The following PDZRN3 variants were observed in gnomAD, a reference collection of about 807,000 sequenced individuals.
The protein encoded by PDZRN3 is E3 ubiquitin-protein ligase PDZRN3.
In PDZRN3, 38 loss-of-function variants were observed where a neutral mutation model predicts 85.7. The ratio of observed to expected loss-of-function variants is 0.44; its 90% CI spans 0.34 to 0.58. PDZRN3 has a LOEUF of 0.58. Ranked by LOEUF, PDZRN3 falls within the 20% of genes least tolerant of loss-of-function variation. PDZRN3 has a pLI of 0.01. For missense variants in PDZRN3, 1,629 were observed against 1,506.4 expected, an observed-to-expected ratio of 1.08 and a Z score of -1.35; for synonymous variants, 759 against 638.0, an observed-to-expected ratio of 1.19 and a Z score of -2.86.
In PDZRN3 at chr3:73,528,166, T is replaced by C. The variant is rs116991711; in HGVS notation, c.918+74188A>G. ...TTATTACTGACGTGGTTGCCTTGGA[T>C]CTCTCCTCCTTAGACCTGCCTGGGA... On this transcript the variant is annotated intron_variant, in intron 3 of 9. Transcript: ENST00000263666. Among the ~76,000 whole-genome samples, 94 of 152,280 alleles carry C rather than the reference T, an allele frequency of 6.2e-4. 2 individuals are homozygous for C. In the East Asian group the frequency reaches 0.017, roughly 27 times the overall value.
At chr3:73,454,352 C>T (rs1480968984) in intron 3 of PDZRN3, among the ~76,000 whole-genome samples, 1 of 152,078 alleles carries the variant, frequency 6.6e-6, no homozygotes, top group Non-Finnish European at 1.5e-5. Flanking sequence ...CTTTCTTTTC[C>T]CTCACCAAAA....
chr3:73,438,678 T>G lies in PDZRN3; in HGVS notation c.919-34283A>C, dbSNP rs968062169. On this transcript the variant is annotated intron_variant, in intron 3 of 9. Transcript: ENST00000263666. Reference sequence around the variant, plus strand: ...CCTGGGGATCTTTCCATCTTTCTTCTGGATCACACAGATTCACTAACTTGT... The same window carrying G: ...CCTGGGGATCTTTCCATCTTTCTTCGGGATCACACAGATTCACTAACTTGT... Among the ~76,000 whole-genome samples, 4 of 152,370 alleles carry G rather than the reference T, an allele frequency of 2.6e-5. No individual in the cohort carries two copies. In the South Asian group the frequency reaches 8.3e-4, roughly 32 times the overall value.
chr3:73,593,760 G>A (rs1369288473), intron 3 of PDZRN3, among the ~76,000 whole-genome samples: 1 of 145,244 alleles, frequency 6.9e-6, no homozygotes, highest in Non-Finnish European at 1.5e-5. Context: ...ACACTTTGGA[G>A]AACTCCAACA....
At chr3:73,463,694 A>G (rs1703152369) in intron 3 of PDZRN3, among the ~76,000 whole-genome samples, 1 of 152,208 alleles carries the variant, frequency 6.6e-6, no homozygotes, top group Non-Finnish European at 1.5e-5. Flanking sequence ...AATATAAATA[A>G]TTCTATTATA....
intron 9 of PDZRN3, 34 bp from the exon 10 acceptor site, chr3:73,384,964 G>C (rs1576016928): frequency 1.3e-6 from 2 of 1,557,220 alleles, no homozygotes; most frequent in East Asian, 2.3e-5. Context: ...GTCACAGTGA[G>C]GGAGGCCTGC....
intron 3 of PDZRN3, among the ~76,000 whole-genome samples, chr3:73,576,092 A>G (rs1430446601): frequency 6.7e-6 from 1 of 150,336 alleles, no homozygotes; most frequent in Non-Finnish European, 1.5e-5. Context: ...AAGAAATTAC[A>G]CACATGCATG....
chr3:73,588,031 T>G (rs1196242333), intron 3 of PDZRN3, among the ~76,000 whole-genome samples: 1 of 152,228 alleles, frequency 6.6e-6, no homozygotes, highest in East Asian at 1.9e-4. Context: ...TAGGTATATG[T>G]GTGCCATGGT....
chr3:73,608,440 C>G (rs1013457690), intron 2 of PDZRN3, among the ~76,000 whole-genome samples, 158 bp downstream of exon 2: 3 of 152,162 alleles, frequency 2.0e-5, no homozygotes, highest in African/African-American at 7.2e-5. Context: ...ATAAAAATCC[C>G]TAAGTGTGAA....
intron 3 of PDZRN3, among the ~76,000 whole-genome samples, chr3:73,448,399 T>C (rs552846280): frequency 6.6e-6 from 1 of 152,340 alleles, no homozygotes; most frequent in Admixed American, 6.5e-5. Context: ...TTTTCACTTT[T>C]AATGTTTGCT....
At chr3:73,553,607 T>C (rs1701618462) in intron 3 of PDZRN3, among the ~76,000 whole-genome samples, 1 of 151,272 alleles carries the variant, frequency 6.6e-6, no homozygotes, top group African/African-American at 2.4e-5. Context: ...ATTATCCCCA[T>C]TTCAGAGACA....
chr3:73,383,387 A>C lies in PDZRN3; in HGVS notation c.3179T>G (p.Phe1060Cys). 1 of 1,611,820 alleles carries C rather than the reference A, an allele frequency of 6.2e-7. No individual in the cohort carries two copies. Among genetic ancestry groups the C allele is most frequent in the Non-Finnish European group, 8.5e-7 (1 of 1,178,812 alleles). Residue 1060 changes from phenylalanine (F) to cysteine (C), a missense_variant, in exon 10 of 10, where the codon TTC (phenylalanine) becomes TGC (cysteine). Physicochemically the swap from Phe to Cys is radical, Grantham distance 205. Transcript: ENST00000263666. ...AAATTATACAGTAGTCACCGATAGG[A>C]AGGAATTGTATACTCTAGTGCCGTC... ...SPDGTRVYNS[F>C]LSVTTV
intron 3 of PDZRN3, among the ~76,000 whole-genome samples, chr3:73,570,097 T>TC (rs2106849495): frequency 6.6e-6 from 1 of 152,300 alleles, no homozygotes; most frequent in Admixed American, 6.5e-5. Flanking sequence ...ATATTTGGTC[T>TC]CGCTTACTGC....
chr3:73,399,422 G>A (rs971801682), intron 5 of PDZRN3, among the ~76,000 whole-genome samples: 1 of 152,072 alleles, frequency 6.6e-6, no homozygotes, highest in Admixed American at 6.5e-5. Context: ...CTCCCCCAGG[G>A]GATTCTAGGT....
At chr3:73,462,542 CAA>C (rs1167584471) in intron 3 of PDZRN3, among the ~76,000 whole-genome samples, 2 of 93,428 alleles carry the variant, frequency 2.1e-5, no homozygotes, top group Admixed American at 1.2e-4. Flanking sequence ...GACTCCGTCT[CAA>C]AAAAAAAAAA....
At chr3:73,450,807 G>C (rs17011165) in intron 3 of PDZRN3, among the ~76,000 whole-genome samples, 9,380 of 152,182 alleles carry the variant, frequency 0.062, 374 homozygotes, top group Middle Eastern at 0.13. Flanking sequence ...AGACTGGCTG[G>C]TGCTGCCCAT....
At chr3:73,469,851 A>G (rs1344761253) in intron 3 of PDZRN3, among the ~76,000 whole-genome samples, 1 of 152,220 alleles carries the variant, frequency 6.6e-6, no homozygotes, top group Admixed American at 6.5e-5. Flanking sequence ...TCATGAAAAT[A>G]TCTTGGTAGC....
chr3:73,400,209 T>C (rs538594599), intron 5 of PDZRN3, among the ~76,000 whole-genome samples: 6 of 152,348 alleles, frequency 3.9e-5, no homozygotes, highest in East Asian at 1.9e-4. Flanking sequence ...TGAAACCCCA[T>C]TGAAATATAA....
rs1553681710 is a variant in PDZRN3 at position 73,383,600 on chromosome 3, C to T, written c.2966G>A (p.Arg989Gln). The change falls in exon 10 of 10, where the codon CGG becomes CAG. Residue 989 changes from arginine to glutamine, a missense_variant. Coordinates refer to ENST00000263666, the MANE Select transcript of PDZRN3 (RefSeq NM_015009.3). The stretch of plus-strand genomic sequence containing the variant: ...CTGCATCATGAACTCGCGCCGCCGC[C>T]GCTGCTCCTTGGCCTTCACCAGGTG... The part of the protein sequence containing the change: ...KQHLVKAKEQ[R>Q]RRREFMMQSR... The T allele has an allele frequency of 1.2e-6, 2 of 1,613,974 alleles. No homozygotes were observed. Among genetic ancestry groups the T allele is most frequent in the African/African-American group, 1.3e-5 (1 of 74,922 alleles).
At chr3:73,499,714 A>G (rs1183214652) in intron 3 of PDZRN3, among the ~76,000 whole-genome samples, 3 of 152,166 alleles carry the variant, frequency 2.0e-5, no homozygotes, top group African/African-American at 7.2e-5. Context: ...CTTCTGTTAG[A>G]TTACAAAAAG....
Sources: allele counts gnomAD v4.1 joint callset (sites outside exome capture counted in the v4.1 genomes callset), GRCh38; gene constraint gnomAD v4.1.1; transcripts MANE v1.5; gene names NCBI Gene and HGNC (gene_info 2026-07-23, HGNC 2026-07-21).